Variants in ITGAD observed in about 807,000 individuals in gnomAD.
ITGAD encodes integrin alpha-D.
In ITGAD, 105 loss-of-function variants were observed where a neutral mutation model predicts 139.0. That is an observed-to-expected ratio of 0.76 (90% CI 0.65 to 0.89). The LOEUF is 0.89. Ranked by LOEUF, ITGAD falls within the 40% of genes least tolerant of loss-of-function variation. ITGAD has a pLI of 0.00. For missense variants in ITGAD, 1,384 were observed against 1,487.3 expected (o/e 0.93, Z 1.14); for synonymous variants, 569 against 598.3 (o/e 0.95, Z 0.71).
At chr16:31,398,669 A>C (rs2081333475) in intron 5 of ITGAD, among the ~76,000 whole-genome samples, 1 of 151,820 alleles carries the variant, frequency 6.6e-6, no homozygotes, top group African/African-American at 2.4e-5. Flanking sequence ...GTTTTTGTAG[A>C]GATGGGGGTC....
Position 31,403,432 on chromosome 16 carries a change from C to CA in ITGAD, c.559-62dup, listed in dbSNP as rs2081455814. On this transcript the variant is annotated intron_variant, in intron 6 of 29. Coordinates refer to ENST00000389202, the MANE Select transcript of ITGAD (RefSeq NM_005353.3). The surrounding 1 kb of genome is among the most constrained non-coding windows in gnomAD (Gnocchi z 4.4). ...AGGAGTTTGAGAGACCCTGTCTCTA[C>CA]AAAAAATTAAAATAAAAACAATAGT... 3.8e-6 allele frequency: 6 copies of CA among 1,586,500 alleles called. No individual in the cohort carries two copies. The highest frequency in any genetic ancestry group is 5.2e-6 in the Non-Finnish European group (6 of 1,161,876).
intron 5 of ITGAD, among the ~76,000 whole-genome samples, chr16:31,400,018 G>T (rs760344505): frequency 1.3e-5 from 2 of 152,256 alleles, no homozygotes; most frequent in Non-Finnish European, 2.9e-5. Context: ...CTGCTAGTGG[G>T]AGACCAGGGG....
At chr16:31,409,607 G>A (rs1010195803) in intron 10 of ITGAD, among the ~76,000 whole-genome samples, 1 of 152,090 alleles carries the variant, frequency 6.6e-6, no homozygotes, top group South Asian at 2.1e-4. Flanking sequence ...CAGAGGAGGC[G>A]ACATTGACGT....
chr16:31,418,808 G>A (rs2081951189), intron 23 of ITGAD, among the ~76,000 whole-genome samples: 1 of 152,190 alleles, frequency 6.6e-6, no homozygotes, highest in Non-Finnish European at 1.5e-5. Flanking sequence ...TTCACCTGAG[G>A]TCAGGAGTTC....
At chr16:31,419,666 C>G (rs1597158393) in intron 23 of ITGAD, among the ~76,000 whole-genome samples, 1 of 152,052 alleles carries the variant, frequency 6.6e-6, no homozygotes, top group Non-Finnish European at 1.5e-5. Context: ...CAAACATTAG[C>G]CAGGCGCAGT....
At chr16:31,413,342 C>T in intron 16 of ITGAD, 96 bp downstream of exon 16, 6 of 1,298,906 alleles carry the variant, frequency 4.6e-6, no homozygotes, top group Non-Finnish European at 6.4e-6. Flanking sequence ...TCCAATCTTA[C>T]CTCCACATTC....
intron 2 of ITGAD, among the ~76,000 whole-genome samples, chr16:31,395,107 A>G (rs2081232370): frequency 6.6e-6 from 1 of 152,172 alleles, no homozygotes; most frequent in African/African-American, 2.4e-5. Context: ...ATCTGAGGCC[A>G]GGAGTTTGAG....
intron 18 of ITGAD, among the ~76,000 whole-genome samples, chr16:31,415,441 T>C (rs759231788): frequency 5.3e-5 from 8 of 152,126 alleles, no homozygotes; most frequent in Admixed American, 6.6e-5. Context: ...CTTCACGGCA[T>C]CCCACTCGCC....
Position 31,403,682 on chromosome 16 carries a change from C to T in ITGAD, c.704+37C>T. 2.5e-6 allele frequency: 4 copies of T among 1,612,092 alleles called. No individual in the cohort carries two copies. Among genetic ancestry groups the T allele is most frequent in the Non-Finnish European group, 3.4e-6 (4 of 1,178,618 alleles). Reference sequence around the variant, plus strand: ...CGACCCCAGCCTGGCGATGTGACTGCCACCCCCACTTCCTAACCCTGGGTC... The same window carrying T: ...CGACCCCAGCCTGGCGATGTGACTGTCACCCCCACTTCCTAACCCTGGGTC... On this transcript the variant is annotated intron_variant, in intron 7 of 29. Coordinates refer to ENST00000389202, the MANE Select transcript of ITGAD (RefSeq NM_005353.3). This position sits in a 1 kb window ranked among gnomAD's most constrained non-coding sequence, Gnocchi z 4.4.
chr16:31,398,392 A>G (rs2142602658), intron 5 of ITGAD, among the ~76,000 whole-genome samples: 1 of 148,300 alleles, frequency 6.7e-6, no homozygotes, highest in South Asian at 2.1e-4. Context: ...GTGCCATTGC[A>G]CTCCAGCCTG....
chr16:31,404,312 C>G (rs968703183), intron 7 of ITGAD: 5 of 152,424 alleles, frequency 3.3e-5, no homozygotes, highest in African/African-American at 1.2e-4. Context: ...GGTGGGACCC[C>G]CGAGAAAGGC....
intron 12 of ITGAD, 65 bp downstream of exon 12, chr16:31,410,943 C>T (rs1272372586): frequency 4.2e-5 from 66 of 1,585,902 alleles, no homozygotes; most frequent in Admixed American, 3.3e-4. Context: ...GGACAGTGGC[C>T]GGGGCTAGGG....
In ITGAD at chr16:31,424,184, A is replaced by G. The variant is rs1361750834; in HGVS notation, c.3242A>G (p.Glu1081Gly). 6.2e-7 allele frequency: 1 copy of G among 1,614,194 alleles called. No homozygotes were observed. The highest frequency in any genetic ancestry group is 1.7e-5 in the Admixed American group (1 of 60,024). The change falls in exon 28 of 30, where the codon GAG (glutamate) becomes GGG (glycine). Residue 1081 changes from glutamate to glycine, a missense_variant. Coordinates refer to ENST00000389202, the MANE Select transcript of ITGAD (RefSeq NM_005353.3). ...GTGTACTCCCAGCTTCCAGGACAGG[A>G]GGCATTTATGAGAGCTCAGGTAGAG... Reference protein sequence around the residue: ...TSVYSQLPGQEAFMRAQMEMV... With the variant: ...TSVYSQLPGQGAFMRAQMEMV...
At chr16:31,407,450 G>T (rs2081566013) in intron 7 of ITGAD, 65 bp from the exon 8 acceptor site, 5 of 1,447,396 alleles carry the variant, frequency 3.5e-6, no homozygotes, top group Non-Finnish European at 4.7e-6. Context: ...TGAGAGGACT[G>T]CAAATGATGT....
At chr16:31,402,055 G>T (rs976750077) in intron 5 of ITGAD, 60 bp from the exon 6 acceptor site, 1 of 1,575,570 alleles carries the variant, frequency 6.3e-7, no homozygotes, top group African/African-American at 1.4e-5. Flanking sequence ...TTGAGCAGGA[G>T]CTGCAGGAGG....
At position 31,426,096 on chromosome 16, in the gene ITGAD, AGCTGTGTG is replaced by A. The variant is rs1188975801; in HGVS notation, c.3457_3464del (p.Cys1153ProfsTer42). 2 of 1,613,318 alleles carry A rather than the reference AGCTGTGTG, an allele frequency of 1.2e-6. No individual in the cohort carries two copies. Among genetic ancestry groups the A allele is most frequent in the Non-Finnish European group, 1.7e-6 (2 of 1,179,252 alleles). On this transcript the variant is annotated frameshift_variant, in exon 30 of 30. Coordinates refer to ENST00000389202, the MANE Select transcript of ITGAD (RefSeq NM_005353.3). LOFTEE classifies it low-confidence loss of function (END_TRUNC). ...TGCCACATTCAGTGGGGACGATTTCAGCTGTGTGGCCCCAAATGTGCCTTTGTCCTAAT... is the reference window on the plus strand; with the variant it reads ...TGCCACATTCAGTGGGGACGATTTCAGCCCCAAATGTGCCTTTGTCCTAAT...
At chr16:31,423,526 G>T (rs1567355412) in intron 25 of ITGAD, 45 bp from the exon 26 acceptor site, 1 of 1,604,974 alleles carries the variant, frequency 6.2e-7, no homozygotes, top group Admixed American at 1.7e-5. Context: ...TCTTACCAGG[G>T]ACATGTTGCT....
intron 16 of ITGAD, 31 bp downstream of exon 16, chr16:31,413,277 C>T (rs2081786754): frequency 6.2e-7 from 1 of 1,609,516 alleles, no homozygotes; most frequent in African/African-American, 1.3e-5. Flanking sequence ...GGGCCCAGGC[C>T]CCTCATTCCA....
chr16:31,408,831 C>T (rs572347657), intron 10 of ITGAD, among the ~76,000 whole-genome samples: 39 of 152,294 alleles, frequency 2.6e-4, no homozygotes, highest in Non-Finnish European at 4.6e-4. Context: ...GTTCTGGGCA[C>T]AGGACAAAGC....
Sources: allele counts gnomAD v4.1 joint callset (sites outside exome capture counted in the v4.1 genomes callset), GRCh38; gene constraint gnomAD v4.1.1; non-coding constraint Gnocchi (gnomAD v3.1); transcripts MANE v1.5; gene names NCBI Gene and HGNC (gene_info 2026-07-23, HGNC 2026-07-21).